Variants in RPS6KA2 observed in about 807,000 individuals in gnomAD.
RPS6KA2 encodes the protein ribosomal protein S6 kinase A2, also known as ribosomal protein S6 kinase alpha-2.
Under a neutral mutation model 91.8 loss-of-function variants are expected in RPS6KA2, and 42 were observed. That is an observed-to-expected ratio of 0.46 (90% confidence interval 0.36 to 0.59). RPS6KA2 has a LOEUF of 0.59. Among genes scored for constraint, RPS6KA2 ranks in the 20% least tolerant of loss-of-function variants. The probability of loss-of-function intolerance (pLI) is 0.00; values close to 1 mark genes in which losing one functional copy is unlikely to be tolerated. For missense variants in RPS6KA2, 798 were observed against 978.5 expected, an observed-to-expected ratio of 0.82 and a Z score of 2.46; for synonymous variants, 414 against 393.6, an observed-to-expected ratio of 1.05 and a Z score of -0.61.
intron 3 of RPS6KA2, 22 bp downstream of exon 3, chr6:166,531,210 C>T: frequency 6.4e-7 from 1 of 1,560,154 alleles, no homozygotes; most frequent in Non-Finnish European, 8.8e-7. Flanking sequence ...TCTGAAGCAG[C>T]CGGCCCTTCC....
intron 2 of RPS6KA2, among the ~76,000 whole-genome samples, chr6:166,795,293 G>C (rs951544634): frequency 1.3e-5 from 2 of 152,092 alleles, no homozygotes; most frequent in Admixed American, 1.3e-4. Flanking sequence ...TCATTTTGCT[G>C]TTCTATTAAA....
intron 2 of RPS6KA2, among the ~76,000 whole-genome samples, chr6:166,758,121 CG>C (rs943994651): frequency 4.6e-4 from 70 of 152,334 alleles, no homozygotes; most frequent in African/African-American, 1.6e-3. Flanking sequence ...AAAGACACTT[CG>C]GTCCTTCTCT....
chr6:166,683,122 C>G (rs1458993845), intron 2 of RPS6KA2, among the ~76,000 whole-genome samples: 1 of 152,180 alleles, frequency 6.6e-6, no homozygotes, highest in East Asian at 1.9e-4. Context: ...AAGCGCTGCT[C>G]AGGGGTCACA....
intron 2 of RPS6KA2, among the ~76,000 whole-genome samples, chr6:166,712,101 G>T (rs988806400): frequency 2.6e-4 from 40 of 152,256 alleles, no homozygotes; most frequent in Non-Finnish European, 4.7e-4. Context: ...TGCTGGTGCA[G>T]CCTGCTCAGG....
chr6:166,506,106 G>A (rs1307900552), intron 5 of RPS6KA2, among the ~76,000 whole-genome samples: 10 of 151,844 alleles, frequency 6.6e-5, no homozygotes, highest in Admixed American at 3.9e-4. Context: ...GCTAAATGAC[G>A]ACCCAAGGTG....
At chr6:166,785,499 T>C (rs73035556) in intron 2 of RPS6KA2, among the ~76,000 whole-genome samples, 7,412 of 152,358 alleles carry the variant, frequency 0.049, 283 homozygotes, top group Admixed American at 0.097. Flanking sequence ...AGAAAACACC[T>C]GAAAGATAGC....
At chr6:166,710,774 G>A (rs1190822708) in intron 2 of RPS6KA2, among the ~76,000 whole-genome samples, 1 of 152,174 alleles carries the variant, frequency 6.6e-6, no homozygotes, top group Non-Finnish European at 1.5e-5. Context: ...CAGGACTTGA[G>A]GAGCAAGCTG....
intron 1 of RPS6KA2, among the ~76,000 whole-genome samples, chr6:166,609,033 T>C (rs1786060646): frequency 6.6e-6 from 1 of 152,198 alleles, no homozygotes; most frequent in African/African-American, 2.4e-5. Flanking sequence ...TGGAAAATTG[T>C]CAGGCCTGAG....
At chr6:166,774,352 C>T (rs531991253) in intron 2 of RPS6KA2, among the ~76,000 whole-genome samples, 58 of 152,334 alleles carry the variant, frequency 3.8e-4, no homozygotes, top group African/African-American at 1.1e-3. Context: ...CTATGAATTT[C>T]TCAGTGAAAT....
At chr6:166,694,797 C>T (rs760034480) in intron 2 of RPS6KA2, among the ~76,000 whole-genome samples, 21 of 152,170 alleles carry the variant, frequency 1.4e-4, no homozygotes, top group Non-Finnish European at 2.2e-4. Context: ...CATCTTTCCA[C>T]GTTGAGAGAG....
chr6:166,510,413 A>G (rs886143245), intron 3 of RPS6KA2, 56 bp from the exon 4 acceptor site: 1 of 1,150,804 alleles, frequency 8.7e-7, no homozygotes, highest in African/African-American at 1.6e-5. Context: ...GTTCTGAGGA[A>G]CACTGAACAT....
chr6:166,714,145 A>G (rs1195654155), intron 2 of RPS6KA2, among the ~76,000 whole-genome samples: 4 of 152,184 alleles, frequency 2.6e-5, no homozygotes, highest in African/African-American at 7.2e-5. Context: ...CCCACAGGGT[A>G]TCAGGCAGGG....
chr6:166,839,124 C>T (rs1015697266), intron 2 of RPS6KA2, among the ~76,000 whole-genome samples: 7 of 152,188 alleles, frequency 4.6e-5, no homozygotes, highest in Non-Finnish European at 8.8e-5. Flanking sequence ...TGTTTTACAC[C>T]ACAACGTTTG....
intron 16 of RPS6KA2, among the ~76,000 whole-genome samples, chr6:166,426,979 C>A (rs1467064362): frequency 6.7e-6 from 1 of 149,466 alleles, no homozygotes; most frequent in African/African-American, 2.4e-5. Flanking sequence ...GATACCAAAG[C>A]CTGGCAGAGA....
chr6:166,561,960 C>T lies in RPS6KA2; in HGVS notation c.100-23176G>A, dbSNP rs1358570179. Among the ~76,000 whole-genome samples the T allele has an allele frequency of 2.0e-5, 3 of 152,118 alleles. No individual in the cohort carries two copies. In the East Asian group the frequency reaches 5.8e-4, roughly 29 times the overall value. ...GCGTACTGAGCACGCATATGTCAGGCACTGTGCAAAGCATTTTGCAAACAT... is the reference window on the plus strand; with the variant it reads ...GCGTACTGAGCACGCATATGTCAGGTACTGTGCAAAGCATTTTGCAAACAT... On this transcript the variant is annotated intron_variant, in intron 1 of 20. Coordinates refer to ENST00000265678, the MANE Select transcript of RPS6KA2 (RefSeq NM_021135.6).
chr6:166,426,478 A>C (rs1271454175), intron 16 of RPS6KA2, among the ~76,000 whole-genome samples: 4 of 82,874 alleles, frequency 4.8e-5, no homozygotes, highest in African/African-American at 2.0e-4. Flanking sequence ...GAATAGAGAC[A>C]CAAAAAGCCC....
At chr6:166,707,314 G>A (rs762769911) in intron 2 of RPS6KA2, among the ~76,000 whole-genome samples, 3 of 152,200 alleles carry the variant, frequency 2.0e-5, no homozygotes, top group African/African-American at 7.2e-5. Context: ...TCACCCACAC[G>A]GTTAGGGAGC....
At chr6:166,415,096 T>C (rs1778453298) in intron 19 of RPS6KA2, among the ~76,000 whole-genome samples, 1 of 152,202 alleles carries the variant, frequency 6.6e-6, no homozygotes, top group African/African-American at 2.4e-5. Context: ...AGAATGCATA[T>C]AGAATGTGAA....
chr6:166,634,439 CTCGAAATCAAAA>C (rs983059077), intron 2 of RPS6KA2, among the ~76,000 whole-genome samples: 2 of 152,168 alleles, frequency 1.3e-5, no homozygotes, highest in African/African-American at 4.8e-5. Flanking sequence ...ATTTTACCAC[CTCGAAATCAAAA>C]TCGAAATCGA....
Sources: gnomAD v4.1 joint callset for allele counts (sites outside exome capture counted in the v4.1 genomes callset) on GRCh38, gnomAD v4.1.1 for gene constraint, MANE v1.5 for transcripts, NCBI Gene and HGNC (gene_info 2026-07-23, HGNC 2026-07-21) for gene names.